The following NDUFAF5 variants were observed in gnomAD, a reference collection of about 807,000 sequenced individuals.
NDUFAF5 encodes the protein NADH:ubiquinone oxidoreductase complex assembly factor 5.
A neutral mutation model predicts 48.9 loss-of-function variants in NDUFAF5; 34 were observed. The ratio of observed to expected loss-of-function variants is 0.70; its 90% CI spans 0.53 to 0.93. The LOEUF is 0.93. Among genes scored for constraint, NDUFAF5 ranks in the 40% least tolerant of loss-of-function variants. The pLI is 0.00. For synonymous variants in NDUFAF5, 153 were observed against 150.6 expected, an observed-to-expected ratio of 1.02 and a Z score of -0.12; for missense variants, 428 against 427.5, an observed-to-expected ratio of 1.00 and a Z score of -0.01.
rs148511938 is a variant in NDUFAF5, at chr20:13,816,446, C to T, written c.779-17C>T. ...TGTTTGCTGTATTATCTCAAACTAC[C>T]TGTAGTGTATTTGTAGGTATGGGTG... On this transcript the variant is annotated splice_polypyrimidine_tract_variant and intron_variant, in intron 8 of 10. Coordinates refer to ENST00000378106, the MANE Select transcript of NDUFAF5 (RefSeq NM_024120.5). 1 of 1,590,648 alleles carries T rather than the reference C, an allele frequency of 6.3e-7. No individual in the cohort carries two copies. The highest frequency in any genetic ancestry group is 8.6e-7 in the Non-Finnish European group (1 of 1,159,252).
chr20:13,812,257 C>G (rs1199005709), intron 8 of NDUFAF5, among the ~76,000 whole-genome samples: 1 of 152,102 alleles, frequency 6.6e-6, no homozygotes, highest in Non-Finnish European at 1.5e-5. Context: ...TGAAATCTTA[C>G]CATTGTCATC....
Position 13,818,641 on chromosome 20 carries a change from A to G in NDUFAF5, c.*1431A>G, listed in dbSNP as rs889298959. 4.5e-5 allele frequency: 8 copies of G among 177,340 alleles called. No homozygotes were observed. The highest frequency in any genetic ancestry group is 1.2e-4 in the South Asian group (1 of 8,346). The allele number at this position is 177,340 out of a possible 1,614,324, so 11.0% of individuals were successfully genotyped here. ...CTGGGCAAAAGAGGAGACCTCATCT[A>G]AAGAAAAATCCACCAAAAACCCTGT... On this transcript the variant is annotated 3_prime_UTR_variant, in exon 11 of 11. Transcript: ENST00000378106.
chr20:13,798,246 T>G (rs1159240833), intron 5 of NDUFAF5, among the ~76,000 whole-genome samples: 1 of 152,208 alleles, frequency 6.6e-6, no homozygotes, highest in East Asian at 1.9e-4. Flanking sequence ...AAGTGATATA[T>G]TGACATGGGG....
Position 13,820,667 on chromosome 20 carries a change from G to A in NDUFAF5, c.*3457G>A, listed in dbSNP as rs1278506672. ...TGTCGCACCACTGCACTCTAGCCTG[G>A]GCAACAGCAAGACCCTCGTCTCAAA... On this transcript the variant is annotated 3_prime_UTR_variant, in exon 11 of 11. Transcript: ENST00000378106. The A allele has an allele frequency of 6.6e-6, 1 of 151,946 alleles. No homozygotes were observed. Among genetic ancestry groups the A allele is most frequent in the Admixed American group, 6.6e-5 (1 of 15,248 alleles). 9.4% of individuals were successfully genotyped at this position (151,946 alleles called of 1,614,324 possible).
At chr20:13,795,444 C>T (rs559093485) in intron 5 of NDUFAF5, among the ~76,000 whole-genome samples, 1 of 152,276 alleles carries the variant, frequency 6.6e-6, no homozygotes, top group African/African-American at 2.4e-5. Flanking sequence ...CTGCTCCCAA[C>T]AATCATAACT....
intron 3 of NDUFAF5, among the ~76,000 whole-genome samples, chr20:13,790,623 AGTTT>A (rs1438768853): frequency 1.3e-5 from 2 of 152,154 alleles, no homozygotes; most frequent in South Asian, 2.1e-4. Flanking sequence ...CAGAACTGTT[AGTTT>A]GTCATCTAGT....
chr20:13,795,233 A>G (rs1396139842), intron 5 of NDUFAF5, among the ~76,000 whole-genome samples: 2 of 152,162 alleles, frequency 1.3e-5, no homozygotes, highest in African/African-American at 2.4e-5. Context: ...ATATTTTGGA[A>G]TTGCTCTTGT....
At chr20:13,789,686 C>A (rs570305080) in intron 3 of NDUFAF5, among the ~76,000 whole-genome samples, 106 of 151,816 alleles carry the variant, frequency 7.0e-4, no homozygotes, top group African/African-American at 2.4e-3. Context: ...CCGTGTTAGC[C>A]AGGATGGTCT....
chr20:13,793,557 T>C (rs758592133), intron 4 of NDUFAF5, among the ~76,000 whole-genome samples: 15 of 152,206 alleles, frequency 9.9e-5, no homozygotes, highest in Admixed American at 4.6e-4. Flanking sequence ...TTTATACTTA[T>C]GTGTGTCATA....
chr20:13,787,020 C>T, intron 1 of NDUFAF5: 1 of 457,356 alleles, frequency 2.2e-6, no homozygotes. Flanking sequence ...TGCTTTTCAT[C>T]CTTGTGATCT....
chr20:13,813,471 C>T (rs770641913), intron 8 of NDUFAF5, among the ~76,000 whole-genome samples: 7 of 152,130 alleles, frequency 4.6e-5, no homozygotes, highest in Non-Finnish European at 8.8e-5. Flanking sequence ...CTTCACTTAG[C>T]GTTTATTGAG....
rs1358230047 is a variant in NDUFAF5 at position 13,817,663 on chromosome 20, G to C, written c.*453G>C. The C allele has an allele frequency of 2.2e-6, 1 of 453,948 alleles. No homozygotes were observed. Among genetic ancestry groups the C allele is most frequent in the African/African-American group, 2.0e-5 (1 of 49,968 alleles). 28.1% of individuals were successfully genotyped at this position (453,948 alleles called of 1,614,324 possible). ...CCCTCCTCAACTCTTTTTTTTTAAAGCATCTGAATTTAACCTTATTTCTTT... is the reference window on the plus strand; with the variant it reads ...CCCTCCTCAACTCTTTTTTTTTAAACCATCTGAATTTAACCTTATTTCTTT... On this transcript the variant is annotated 3_prime_UTR_variant, in exon 11 of 11. Transcript: ENST00000378106.
At chr20:13,795,007 A>G (rs1007795808) in intron 5 of NDUFAF5, 66 bp downstream of exon 5, 19 of 1,173,272 alleles carry the variant, frequency 1.6e-5, no homozygotes, top group Middle Eastern at 4.4e-4. Context: ...AAGTTTTGCT[A>G]TGAGGCCAGG....
chr20:13,794,126 A>C (rs972071013), intron 4 of NDUFAF5, among the ~76,000 whole-genome samples: 7 of 152,088 alleles, frequency 4.6e-5, no homozygotes, highest in Non-Finnish European at 1.0e-4. Flanking sequence ...AGAAGTTTTT[A>C]ATTAGTTTAT....
At chr20:13,809,219 A>G (rs1600380645) in intron 8 of NDUFAF5, among the ~76,000 whole-genome samples, 2 of 152,168 alleles carry the variant, frequency 1.3e-5, no homozygotes, top group East Asian at 3.8e-4. Flanking sequence ...TGAAGGGTGC[A>G]CTTGAGGATG....
chr20:13,789,675 A>G (rs1472432687), intron 3 of NDUFAF5, among the ~76,000 whole-genome samples: 2 of 151,246 alleles, frequency 1.3e-5, no homozygotes, highest in African/African-American at 4.9e-5. Context: ...ACGGGGTTTC[A>G]CCGTGTTAGC....
intron 7 of NDUFAF5, among the ~76,000 whole-genome samples, chr20:13,805,429 T>G (rs1984854090): frequency 1.3e-5 from 2 of 152,182 alleles, no homozygotes; most frequent in African/African-American, 4.8e-5. Flanking sequence ...TTCTATTAAT[T>G]GGGAAATATA....
At chr20:13,787,426 T>A in intron 2 of NDUFAF5, 74 bp downstream of exon 2, 1 of 1,395,502 alleles carries the variant, frequency 7.2e-7, no homozygotes, top group Non-Finnish European at 1.0e-6. Flanking sequence ...GCTGAGAACT[T>A]GCTATCTGAA....
chr20:13,790,442 T>A (rs1053172405), intron 3 of NDUFAF5, among the ~76,000 whole-genome samples: 18 of 152,246 alleles, frequency 1.2e-4, no homozygotes, highest in African/African-American at 4.3e-4. Flanking sequence ...AACTCTTATG[T>A]CTTCTTGCCA....
Sources: allele counts gnomAD v4.1 joint callset (sites outside exome capture counted in the v4.1 genomes callset), GRCh38; gene constraint gnomAD v4.1.1; transcripts MANE v1.5; gene names NCBI Gene and HGNC (gene_info 2026-07-23, HGNC 2026-07-21).